Variants in UBE2W observed in about 807,000 individuals in gnomAD.
The protein encoded by UBE2W is ubiquitin conjugating enzyme E2 W, also known as ubiquitin-conjugating enzyme E2 W.
In UBE2W, 18 loss-of-function variants were observed where a neutral mutation model predicts 27.2. The observed-to-expected ratio is 0.66, with a 90% CI of 0.46 to 0.98. The LOEUF is 0.98. UBE2W is among the 50% of genes least tolerant of loss of function. UBE2W has a pLI of 0.00. For synonymous variants in UBE2W, 53 were observed against 57.2 expected (o/e 0.93, Z 0.33); for missense variants, 90 against 180.2 (o/e 0.50, Z 2.87).
At chr8:73,876,481 T>C (rs1384662046) in intron 1 of UBE2W, among the ~76,000 whole-genome samples, 1 of 152,136 alleles carries the variant, frequency 6.6e-6, no homozygotes, top group Admixed American at 6.6e-5. Context: ...GGAAAGACTT[T>C]TCAATAAATA....
chr8:73,847,851 A>C (rs1459920421), intron 1 of UBE2W, among the ~76,000 whole-genome samples: 3 of 152,036 alleles, frequency 2.0e-5, no homozygotes, highest in Admixed American at 6.6e-5. Context: ...GCCATGAGCC[A>C]AGATTGTGCC....
At chr8:73,862,168 G>A (rs1811558573) in intron 1 of UBE2W, among the ~76,000 whole-genome samples, 1 of 152,182 alleles carries the variant, frequency 6.6e-6, no homozygotes, top group Non-Finnish European at 1.5e-5. Context: ...AGTGGCTCAT[G>A]CCTGTAATCC....
chr8:73,813,218 AAGG>A (rs1238779088), intron 3 of UBE2W, among the ~76,000 whole-genome samples: 1 of 152,116 alleles, frequency 6.6e-6, no homozygotes, highest in Non-Finnish European at 1.5e-5. Flanking sequence ...TTCAGAGCAC[AAGG>A]AGAACAGTAT....
intron 1 of UBE2W, among the ~76,000 whole-genome samples, chr8:73,840,119 C>T (rs944420436): frequency 6.6e-6 from 1 of 151,898 alleles, no homozygotes; most frequent in Non-Finnish European, 1.5e-5. Flanking sequence ...TGCAGTGGTG[C>T]GATCTCGGCT....
intron 2 of UBE2W, among the ~76,000 whole-genome samples, chr8:73,829,466 G>A (rs570177472): frequency 6.6e-6 from 1 of 152,060 alleles, no homozygotes; most frequent in African/African-American, 2.4e-5. Flanking sequence ...ATTTTTGGTT[G>A]TTTTAGAACA....
At chr8:73,796,762 CT>C in intron 5 of UBE2W, 1 of 596,720 alleles carries the variant, frequency 1.7e-6, no homozygotes, top group Non-Finnish European at 2.1e-6. Flanking sequence ...CATCGCCATC[CT>C]TTTTCTAAAT....
chr8:73,875,342 T>TA (rs1812177426), intron 1 of UBE2W, among the ~76,000 whole-genome samples: 1 of 152,140 alleles, frequency 6.6e-6, no homozygotes, highest in Admixed American at 6.5e-5. Flanking sequence ...TCATCTACTT[T>TA]AGTGTACTAT....
At chr8:73,866,290 A>AAAAAAAAAATATATATATATAT (rs1248216873) in intron 1 of UBE2W, among the ~76,000 whole-genome samples, 1 of 43,092 alleles carries the variant, frequency 2.3e-5, no homozygotes, top group African/African-American at 9.9e-5. Flanking sequence ...AAAAAAAAAA[A>AAAAAAAAAATATATATATATAT]ATATATATAT....
At chr8:73,843,252 A>AGG (rs1286487718) in intron 1 of UBE2W, among the ~76,000 whole-genome samples, 3 of 152,210 alleles carry the variant, frequency 2.0e-5, no homozygotes, top group Admixed American at 6.5e-5. Context: ...AGTCAGATTA[A>AGG]GGGTATGGTT....
rs1390754471 is a variant in UBE2W, at chr8:73,791,705, A to T, written c.*2397T>A. On this transcript the variant is annotated 3_prime_UTR_variant, in exon 6 of 6. Transcript: ENST00000602593. ...TTTCAATGATTCCTAAATTCAAGAGAGTGTTGTTAGCCTGATTATGAATTT... is the reference window on the plus strand; with the variant it reads ...TTTCAATGATTCCTAAATTCAAGAGTGTGTTGTTAGCCTGATTATGAATTT... 6.5e-5 allele frequency: 64 copies of T among 985,020 alleles called. No individual in the cohort carries two copies. Among genetic ancestry groups the T allele is most frequent in the Non-Finnish European group, 7.6e-5 (63 of 829,732 alleles). 61.0% of individuals were successfully genotyped at this position (985,020 alleles called of 1,614,324 possible).
chr8:73,787,705 C>G lies in UBE2W; in HGVS notation c.*6397G>C. 7.1e-6 allele frequency: 7 copies of G among 985,392 alleles called. No homozygotes were observed. Among genetic ancestry groups the G allele is most frequent in the Non-Finnish European group, 8.4e-6 (7 of 829,924 alleles). The allele number at this position is 985,392 out of a possible 1,614,324, so 61.0% of individuals were successfully genotyped here. On this transcript the variant is annotated 3_prime_UTR_variant, in exon 6 of 6. Transcript: ENST00000602593. ...TATTTCTTTCCTCTTCTTGCAGCTTCAAGAGTCACTCATTTAAGTCATTAG... is the reference window on the plus strand; with the variant it reads ...TATTTCTTTCCTCTTCTTGCAGCTTGAAGAGTCACTCATTTAAGTCATTAG...
At chr8:73,832,486 T>C (rs7842946) in intron 1 of UBE2W, among the ~76,000 whole-genome samples, 104,044 of 152,064 alleles carry the variant, frequency 0.68, 37,974 homozygotes, top group East Asian at 0.93. Flanking sequence ...ATTAAAAAAA[T>C]AGCTTTGAAG....
chr8:73,838,519 T>A (rs1235403250), intron 1 of UBE2W, among the ~76,000 whole-genome samples: 1 of 152,058 alleles, frequency 6.6e-6, no homozygotes, highest in Admixed American at 6.6e-5. Flanking sequence ...GCAGGAGAAT[T>A]ACTTAAGCCC....
At chr8:73,844,362 T>C (rs1810678788) in intron 1 of UBE2W, among the ~76,000 whole-genome samples, 2 of 152,238 alleles carry the variant, frequency 1.3e-5, no homozygotes, top group Non-Finnish European at 2.9e-5. Context: ...TTGGCTGGGC[T>C]GGTCTCCAGC....
intron 1 of UBE2W, among the ~76,000 whole-genome samples, chr8:73,868,210 G>C (rs868531007): frequency 3.3e-5 from 5 of 152,178 alleles, no homozygotes; most frequent in African/African-American, 4.8e-5. Context: ...GGGAAGAAGG[G>C]GGGGCTCAGG....
In UBE2W at chr8:73,786,744, G is replaced by C. The variant is rs1356321247; in HGVS notation, c.*7358C>G. 1.0e-6 allele frequency: 1 copy of C among 985,286 alleles called. No individual in the cohort carries two copies. Among genetic ancestry groups the C allele is most frequent in the Non-Finnish European group, 1.2e-6 (1 of 829,938 alleles). The allele number at this position is 985,286 out of a possible 1,614,324, so 61.0% of individuals were successfully genotyped here. On this transcript the variant is annotated 3_prime_UTR_variant, in exon 6 of 6. Transcript: ENST00000602593. ...GGTAGTGAAAGGCCCTAATGGTAAG[G>C]AGACTGGAGAGAAGGTAGAAATCTC...
rs962004735 is a variant in UBE2W, at chr8:73,791,473, C to T, written c.*2629G>A. The T allele has an allele frequency of 6.1e-5, 60 of 985,048 alleles. No individual in the cohort carries two copies. The highest frequency in any genetic ancestry group is 3.4e-4 in the East Asian group (3 of 8,822). The allele number at this position is 985,048 out of a possible 1,614,324, so 61.0% of individuals were successfully genotyped here. A position where few individuals can be genotyped will look rare whatever the true frequency, so the allele number is the denominator to read the frequency against. On this transcript the variant is annotated 3_prime_UTR_variant, in exon 6 of 6. Coordinates refer to ENST00000602593, the MANE Select transcript of UBE2W (RefSeq NM_018299.6). ...GGCCTATGTCGCAAATAGTGCCCCA[C>T]GAGGAAATGCAGGGAGGAGGCAAGT...
intron 5 of UBE2W, among the ~76,000 whole-genome samples, chr8:73,800,570 G>T (rs1416231190): frequency 1.3e-5 from 2 of 152,118 alleles, no homozygotes; most frequent in Non-Finnish European, 2.9e-5. Flanking sequence ...GGGGAGAGGT[G>T]AAAGAGGAAA....
At chr8:73,863,826 A>C (rs559560854) in intron 1 of UBE2W, among the ~76,000 whole-genome samples, 1 of 152,130 alleles carries the variant, frequency 6.6e-6, no homozygotes, top group East Asian at 1.9e-4. Context: ...TTAAATCATA[A>C]CGTGGGGATG....
Sources: allele counts gnomAD v4.1 joint callset (sites outside exome capture counted in the v4.1 genomes callset), GRCh38; gene constraint gnomAD v4.1.1; transcripts MANE v1.5; gene names NCBI Gene and HGNC (gene_info 2026-07-23, HGNC 2026-07-21).